Variants in RALGAPA1 observed in about 807,000 individuals in gnomAD.
The protein encoded by RALGAPA1 is ral GTPase-activating protein subunit alpha-1.
Under a neutral mutation model 269.6 loss-of-function variants are expected in RALGAPA1, and 52 were observed. The observed-to-expected ratio is 0.19, with a 90% CI of 0.15 to 0.24. The LOEUF (loss-of-function observed/expected upper bound fraction) is 0.24. Among genes scored for constraint, RALGAPA1 ranks in the 10% least tolerant of loss-of-function variants. The probability of loss-of-function intolerance (pLI) is 1.00; values close to 1 mark genes in which losing one functional copy is unlikely to be tolerated. For synonymous variants in RALGAPA1, 817 were observed against 1,008.3 expected (o/e 0.81, Z 3.60); for missense variants, 1,917 against 3,013.9 (o/e 0.64, Z 8.52).
At chr14:35,625,516 T>A in intron 34 of RALGAPA1, 84 bp from the exon 35 acceptor site, 1 of 963,584 alleles carries the variant, frequency 1.0e-6, no homozygotes, top group Non-Finnish European at 1.5e-6. Flanking sequence ...ACTCTACTCA[T>A]GCAACTTTTC....
At chr14:35,709,750 C>A (rs1274496083) in intron 16 of RALGAPA1, among the ~76,000 whole-genome samples, 1 of 152,088 alleles carries the variant, frequency 6.6e-6, no homozygotes, top group Non-Finnish European at 1.5e-5. Flanking sequence ...TTTATATTTT[C>A]ATTTAGTTCA....
chr14:35,709,820 G>A (rs374661074), intron 16 of RALGAPA1, among the ~76,000 whole-genome samples: 17 of 152,186 alleles, frequency 1.1e-4, no homozygotes, highest in South Asian at 4.1e-4. Flanking sequence ...GAAGTGTGTC[G>A]TTTAATCTCC....
chr14:35,749,204 C>A (rs926678474), intron 9 of RALGAPA1, among the ~76,000 whole-genome samples: 2 of 152,024 alleles, frequency 1.3e-5, no homozygotes, highest in Admixed American at 6.6e-5. Context: ...AGAATGTTTA[C>A]CTAATAAAAA....
intron 37 of RALGAPA1, among the ~76,000 whole-genome samples, chr14:35,580,080 C>G (rs1309528862): frequency 6.6e-6 from 1 of 152,110 alleles, no homozygotes; most frequent in Non-Finnish European, 1.5e-5. Context: ...AATTTCAAGA[C>G]AGAAAATGAA....
intron 35 of RALGAPA1, among the ~76,000 whole-genome samples, chr14:35,606,188 T>C (rs2059586837): frequency 6.6e-6 from 1 of 152,230 alleles, no homozygotes; most frequent in Non-Finnish European, 1.5e-5. Flanking sequence ...CAGTTATGTG[T>C]TGCTTAACAA....
chr14:35,712,068 G>A (rs1262661647), intron 16 of RALGAPA1, among the ~76,000 whole-genome samples: 1 of 152,026 alleles, frequency 6.6e-6, no homozygotes, highest in African/African-American at 2.4e-5. Flanking sequence ...CCAACATGGT[G>A]AAACGCCATC....
chr14:35,674,395 C>T (rs2064763569), intron 23 of RALGAPA1, 117 bp from the exon 24 acceptor site: 7 of 1,238,396 alleles, frequency 5.7e-6, no homozygotes, highest in Non-Finnish European at 1.1e-6. Flanking sequence ...AATTAAGTGA[C>T]TTTGCCATGC....
At chr14:35,731,644 T>C (rs545976523) in intron 12 of RALGAPA1, among the ~76,000 whole-genome samples, 53 of 152,138 alleles carry the variant, frequency 3.5e-4, no homozygotes, top group Non-Finnish European at 6.5e-4. Flanking sequence ...AATTCAGAGC[T>C]GGAAGACATG....
At chr14:35,582,162 C>T (rs376335166) in intron 37 of RALGAPA1, among the ~76,000 whole-genome samples, 11 of 152,244 alleles carry the variant, frequency 7.2e-5, no homozygotes, top group East Asian at 3.9e-4. Context: ...TTCGAGGTTC[C>T]TAGAACTGGC....
intron 16 of RALGAPA1, among the ~76,000 whole-genome samples, chr14:35,709,354 C>T (rs1204335449): frequency 6.6e-6 from 1 of 151,948 alleles, no homozygotes; most frequent in African/African-American, 2.4e-5. Flanking sequence ...TATATACCTA[C>T]TATATACCCA....
chr14:35,688,834 T>G lies in RALGAPA1; in HGVS notation c.3577A>C (p.Thr1193Pro), dbSNP rs2066213039. The G allele has an allele frequency of 7.6e-7, 1 of 1,322,196 alleles. No individual in the cohort carries two copies. The highest frequency in any genetic ancestry group is 9.6e-7 in the Non-Finnish European group (1 of 1,039,512). 81.9% of individuals were successfully genotyped at this position (1,322,196 alleles called of 1,614,324 possible). Residue 1193 changes from threonine to proline, a missense_variant, in exon 18 of 42, where the codon ACT becomes CCT. Coordinates refer to ENST00000680220, the MANE Select transcript of RALGAPA1 (RefSeq NM_001346249.2). ...GFSSGSSNSS[T>P]SNTHTSTNSA... ...TTTGTGCTGGTATGGGTGTTGCTAG[T>G]GCTGCTATTGCTGCTACCACTACTA...
chr14:35,570,346 C>T (rs1370965281), intron 39 of RALGAPA1, among the ~76,000 whole-genome samples: 1 of 149,048 alleles, frequency 6.7e-6, no homozygotes, highest in Non-Finnish European at 1.5e-5. Flanking sequence ...AGGAACTGAA[C>T]CATCTATACA....
In RALGAPA1 at chr14:35,752,134, T is replaced by C; in HGVS notation, c.692A>G (p.Glu231Gly). The C allele has an allele frequency of 6.3e-7, 1 of 1,577,636 alleles. No individual in the cohort carries two copies. Among genetic ancestry groups the C allele is most frequent in the Non-Finnish European group, 8.6e-7 (1 of 1,166,096 alleles). The change falls in exon 8 of 42, where the codon GAA becomes GGA. Residue 231 changes from glutamate to glycine, a missense_variant. Around this residue, in one of 11 missense-constraint regions of RALGAPA1, gnomAD observed 462 missense variants for 725.6 expected, o/e 0.64. Transcript: ENST00000680220. ...QVKSLEWKNK[E>G]NQERGFSFLF... ...AAATGAAAATCCCCTTTCTTGGTTT[T>C]CTTTGTTCTTCCATTCTAAACTTTT...
intron 31 of RALGAPA1, among the ~76,000 whole-genome samples, chr14:35,651,197 A>G (rs2062807969): frequency 6.6e-6 from 1 of 152,176 alleles, no homozygotes; most frequent in Non-Finnish European, 1.5e-5. Context: ...TATTTTAATT[A>G]TTATAAATAT....
In RALGAPA1 at chr14:35,572,913, A is replaced by G. The variant is rs1486124489; in HGVS notation, c.7210-195T>C. 1.1e-5 allele frequency: 4 copies of G among 363,246 alleles called. No homozygotes were observed. In the Admixed American group the frequency reaches 1.9e-4, roughly 17 times the overall value. 22.5% of individuals were successfully genotyped at this position (363,246 alleles called of 1,614,324 possible). ...GAAGACCAGACAATTTCAATTGTCA[A>G]TAATCAATGGGTAACAGAGAACTTA... On this transcript the variant is annotated intron_variant, in intron 37 of 41. Transcript: ENST00000680220.
At chr14:35,664,882 T>A in intron 26 of RALGAPA1, 115 bp from the exon 27 acceptor site, 2 of 887,962 alleles carry the variant, frequency 2.3e-6, no homozygotes, top group Non-Finnish European at 3.4e-6. Context: ...AAACAAAATT[T>A]AAAAAGGAAA....
chr14:35,678,151 A>T (rs552374595), intron 21 of RALGAPA1, 49 bp from the exon 22 acceptor site: 18 of 1,540,064 alleles, frequency 1.2e-5, no homozygotes, highest in Non-Finnish European at 1.4e-5. Context: ...TCAATATCCT[A>T]CCTAAGATGT....
At chr14:35,611,544 C>G (rs1418492554) in intron 35 of RALGAPA1, among the ~76,000 whole-genome samples, 1 of 149,632 alleles carries the variant, frequency 6.7e-6, no homozygotes, top group East Asian at 2.0e-4. Flanking sequence ...CCAGCCTGGG[C>G]AACACAGTGA....
chr14:35,780,830 G>A (rs534650488), intron 1 of RALGAPA1, among the ~76,000 whole-genome samples: 3 of 152,106 alleles, frequency 2.0e-5, no homozygotes, highest in South Asian at 2.1e-4. Flanking sequence ...GTTGGTTCAC[G>A]CCTGTAATCC....
Sources: allele counts gnomAD v4.1 joint callset (sites outside exome capture counted in the v4.1 genomes callset), GRCh38; gene constraint gnomAD v4.1.1; regional missense constraint gnomAD v4.1.1; transcripts MANE v1.5; gene names NCBI Gene and HGNC (gene_info 2026-07-23, HGNC 2026-07-21).